The following MYO5B variants were observed in gnomAD, a reference collection of about 807,000 sequenced individuals.
MYO5B encodes unconventional myosin-Vb.
A neutral mutation model predicts 229.3 loss-of-function variants in MYO5B; 143 were observed. That is an observed-to-expected ratio of 0.62 (90% confidence interval 0.54 to 0.72). The LOEUF (loss-of-function observed/expected upper bound fraction) is 0.72, where lower values mean the gene tolerates loss of function less well. Ranked by LOEUF, MYO5B falls within the 30% of genes least tolerant of loss-of-function variation. The pLI is 0.00. For missense variants in MYO5B, 2,321 were observed against 2,331.0 expected, an observed-to-expected ratio of 1.00 and a Z score of 0.09; for synonymous variants, 918 against 885.2, an observed-to-expected ratio of 1.04 and a Z score of -0.66.
chr18:50,077,955 G>A (rs1027042266), intron 1 of MYO5B, among the ~76,000 whole-genome samples: 8 of 152,172 alleles, frequency 5.3e-5, no homozygotes, highest in Middle Eastern at 3.2e-3. Context: ...CCTATATTGC[G>A]GAAAAGACAT....
chr18:50,054,205 T>C (rs1174455892), intron 2 of MYO5B, among the ~76,000 whole-genome samples: 1 of 152,148 alleles, frequency 6.6e-6, no homozygotes, highest in Non-Finnish European at 1.5e-5. Context: ...GAATCTTCCA[T>C]GGCCAGCTCC....
chr18:50,087,661 A>C (rs1363646159), intron 1 of MYO5B, among the ~76,000 whole-genome samples: 3 of 152,158 alleles, frequency 2.0e-5, no homozygotes, highest in Non-Finnish European at 2.9e-5. Flanking sequence ...TCATCTATGC[A>C]GACATCAGTA....
At chr18:50,071,543 A>T (rs143690373) in intron 1 of MYO5B, among the ~76,000 whole-genome samples, 1 of 152,334 alleles carries the variant, frequency 6.6e-6, no homozygotes, top group Non-Finnish European at 1.5e-5. Flanking sequence ...AAATAGTACT[A>T]TCTAAATAAC....
At chr18:50,141,579 G>T (rs879744652) in intron 1 of MYO5B, among the ~76,000 whole-genome samples, 4 of 152,292 alleles carry the variant, frequency 2.6e-5, no homozygotes, top group South Asian at 2.1e-4. Context: ...TACCTGCCCT[G>T]CATCAATCTT....
chr18:49,906,507 G>C lies in MYO5B; in HGVS notation c.2326C>G (p.Arg776Gly), dbSNP rs201966606. Residue 776 changes from arginine to glycine, a missense_variant, in exon 19 of 40, where the codon CGG becomes GGG. Around this residue, in one of 2 missense-constraint regions of MYO5B, gnomAD observed 2,113 missense variants for 2,044.7 expected, o/e 1.03. Transcript: ENST00000285039. Reference protein sequence around the residue: ...TATIMIQKTVRGWLQKVKYHR... With the variant: ...TATIMIQKTVGGWLQKVKYHR... ...TATTTCACCTTCTGCAGCCATCCCC[G>C]GACAGTTTTCTGGATCATGATGGTG... is the stretch of plus-strand genomic sequence containing the variant. The C allele has an allele frequency of 1.2e-6, 2 of 1,614,016 alleles. No individual in the cohort carries two copies. Among genetic ancestry groups the C allele is most frequent in the African/African-American group, 2.7e-5 (2 of 74,904 alleles).
At chr18:49,898,203 C>A (rs897224398) in intron 21 of MYO5B, among the ~76,000 whole-genome samples, 1 of 152,162 alleles carries the variant, frequency 6.6e-6, no homozygotes, top group African/African-American at 2.4e-5. Flanking sequence ...TCATAAGGTA[C>A]CCCTGTCATT....
chr18:50,043,957 C>A (rs2030145948), intron 2 of MYO5B, among the ~76,000 whole-genome samples: 1 of 151,902 alleles, frequency 6.6e-6, no homozygotes, highest in Non-Finnish European at 1.5e-5. Context: ...GAGATGGGTG[C>A]ACCAAAATCT....
chr18:50,049,853 T>TAGAA (rs149704679), intron 2 of MYO5B, among the ~76,000 whole-genome samples: 26,331 of 151,992 alleles, frequency 0.17, 2,331 homozygotes, highest in South Asian at 0.23. Flanking sequence ...GACAATAAAT[T>TAGAA]AGAGCTTCAA....
intron 1 of MYO5B, among the ~76,000 whole-genome samples, chr18:50,182,409 T>G (rs1198686718): frequency 6.6e-6 from 1 of 152,210 alleles, no homozygotes; most frequent in African/African-American, 2.4e-5. Context: ...GGAGAAAGAT[T>G]GTTAATAAAA....
rs765946682 is a variant in MYO5B, at chr18:49,875,818, G to C, written c.3406C>G (p.Leu1136Val). Residue 1136 changes from leucine (L) to valine (V), a missense_variant, in exon 26 of 40, where the codon CTG becomes GTG. Physicochemically the swap from Leu to Val is conservative, Grantham distance 32 (BLOSUM62 1). This residue lies in a region of MYO5B where 2,113 missense variants were observed against 2,044.7 expected (regional missense o/e 1.03). Transcript: ENST00000285039. The stretch of plus-strand genomic sequence containing the variant: ...GTCATGTCCATGGCTGCCTTCTCCA[G>C]GCCAATTTCCTTCAAAGGAAGACAG... ...DALQQVEEIG[L>V]EKAAMDMTVF... 4.3e-6 allele frequency: 7 copies of C among 1,614,088 alleles called. No individual in the cohort carries two copies. Among genetic ancestry groups the C allele is most frequent in the Non-Finnish European group, 5.9e-6 (7 of 1,180,018 alleles).
chr18:49,902,919 A>G, intron 20 of MYO5B, 86 bp from the exon 21 acceptor site: 1 of 1,537,484 alleles, frequency 6.5e-7, no homozygotes, highest in Non-Finnish European at 8.8e-7. Context: ...TGTGGAGGGA[A>G]GAGGCCAGGG....
rs60233572 is a variant in MYO5B at position 50,118,190 on chromosome 18, C to T, written c.28-62812G>A. ...CCCTGAGACCAGCTAGCATGACTGT[C>T]TCAGTTTGCCCAGAACTTCCCTGGC... On this transcript the variant is annotated intron_variant, in intron 1 of 39. Coordinates refer to ENST00000285039, the MANE Select transcript of MYO5B (RefSeq NM_001080467.3). 2.0e-5 allele frequency among the ~76,000 whole-genome samples: 3 copies of T among 152,322 alleles called. No homozygotes were observed. In the East Asian group the frequency reaches 5.8e-4, roughly 29 times the overall value.
At chr18:50,117,002 T>C (rs1294309239) in intron 1 of MYO5B, among the ~76,000 whole-genome samples, 1 of 152,202 alleles carries the variant, frequency 6.6e-6, no homozygotes, top group African/African-American at 2.4e-5. Flanking sequence ...TAAGTACTAT[T>C]AAGTACGTAG....
intron 2 of MYO5B, among the ~76,000 whole-genome samples, chr18:50,051,203 TA>T (rs1203820719): frequency 6.6e-6 from 1 of 152,226 alleles, no homozygotes; most frequent in Non-Finnish European, 1.5e-5. Flanking sequence ...TGATAAAATA[TA>T]CTTTAAACAG....
At position 49,969,592 on chromosome 18, in the gene MYO5B, A is replaced by G. The variant is rs567205195; in HGVS notation, c.1322+4758T>C. On this transcript the variant is annotated intron_variant, in intron 10 of 39. Coordinates refer to ENST00000285039, the MANE Select transcript of MYO5B (RefSeq NM_001080467.3). ...TTCCTTGCTTTGTGCGTTTTGTCCA[A>G]TTCTTTGTTCAAGACGCCAAGAACC... 4.6e-5 allele frequency: 7 copies of G among 152,244 alleles called. No individual in the cohort carries two copies. The East Asian group carries it at 1.3e-3, about 29-fold the overall frequency. 9.4% of individuals were successfully genotyped at this position (152,244 alleles called of 1,614,324 possible). A position where few individuals can be genotyped will look rare whatever the true frequency, so the allele number is the denominator to read the frequency against.
rs144067248 is a variant in MYO5B at position 50,054,245 on chromosome 18, TC to T, written c.138+1022del. On this transcript the variant is annotated intron_variant, in intron 2 of 39. Transcript: ENST00000285039. ...CAAAACCCCCTCTCCTCAAGAGGAG[TC>T]CCAGCTACTCCAGGGGCTGAGGCAG... Among the ~76,000 whole-genome samples, 1,390 of 152,142 alleles carry T rather than the reference TC, an allele frequency of 9.1e-3. 18 individuals carry two copies. The highest frequency in any genetic ancestry group is 0.031 in the African/African-American group (1,287 of 41,510).
intron 16 of MYO5B, among the ~76,000 whole-genome samples, chr18:49,933,222 A>C (rs1255895091): frequency 6.6e-6 from 1 of 152,170 alleles, no homozygotes; most frequent in Non-Finnish European, 1.5e-5. Context: ...GCCTTCGGAA[A>C]ACCAGTGACC....
At chr18:50,035,222 C>CAA (rs140872313) in intron 4 of MYO5B, among the ~76,000 whole-genome samples, 9,931 of 152,220 alleles carry the variant, frequency 0.065, 486 homozygotes, top group African/African-American at 0.14. Context: ...CAGGAGTCCA[C>CAA]AAGCAGCTTT....
rs768088806 is a variant in MYO5B at position 49,984,764 on chromosome 18, G to A, written c.900C>T (p.Asp300=). 6.2e-5 allele frequency: 100 copies of A among 1,613,816 alleles called. No individual in the cohort carries two copies. Among genetic ancestry groups the A allele is most frequent in the South Asian group, 4.1e-4 (37 of 91,078 alleles). The change falls in exon 8 of 40, where the codon GAC becomes GAT. Residue 300 remains aspartate, a synonymous_variant. Transcript: ENST00000285039. The part of the protein sequence containing the change: ...QGGDTSIEGV[D]DAEDFEKTRQ... ...GAGTCTTCTCAAAGTCCTCAGCATCGTCCACACCCTCGATGGAAGTGTCTC... is the reference window on the plus strand; with the variant it reads ...GAGTCTTCTCAAAGTCCTCAGCATCATCCACACCCTCGATGGAAGTGTCTC...
Sources: gnomAD v4.1 joint callset for allele counts (sites outside exome capture counted in the v4.1 genomes callset) on GRCh38, gnomAD v4.1.1 for gene constraint, gnomAD v4.1.1 regional missense constraint, MANE v1.5 for transcripts, NCBI Gene and HGNC (gene_info 2026-07-23, HGNC 2026-07-21) for gene names.